The following KRTAP9-4 variants were observed in gnomAD, a reference collection of about 807,000 sequenced individuals.
The protein encoded by KRTAP9-4 is keratin associated protein 9-4, also known as keratin-associated protein 9-4.
In KRTAP9-4, 8 loss-of-function variants were observed where a neutral mutation model predicts 12.7. The observed-to-expected ratio is 0.63, with a 90% CI of 0.37 to 1.14. KRTAP9-4 has a LOEUF of 1.14. Among genes scored for constraint, KRTAP9-4 ranks in the 50% most tolerant of loss-of-function variants. The pLI is 0.01. For synonymous variants in KRTAP9-4, 81 were observed against 67.3 expected (o/e 1.20, Z -1.00); for missense variants, 188 against 189.1 (o/e 0.99, Z 0.03).
chr17:41,250,173 T>C lies in KRTAP9-4; in HGVS notation c.453T>C (p.Pro151=), dbSNP rs1353940194. The part of the protein sequence containing the change: ...QPTCVSSCCQ[P]FCC ...CCTGTGTGTCCAGCTGCTGTCAGCC[T>C]TTTTGCTGCTGATCAAGTCCCAAGA... The change falls in exon 1 of 1, where the codon CCT becomes CCC. Residue 151 remains proline, a synonymous_variant. Transcript: ENST00000334109. 2 of 1,613,946 alleles carry C rather than the reference T, an allele frequency of 1.2e-6. No homozygotes were observed. The highest frequency in any genetic ancestry group is 1.7e-5 in the Admixed American group (1 of 60,028).
Position 41,249,877 on chromosome 17 carries a change from C to G in KRTAP9-4, c.157C>G (p.Arg53Gly). ...CVSSCCQPCC[R>G]PTCCQNTCCQ... ...TTCCAGCTGCTGCCAGCCTTGCTGCCGCCCAACTTGCTGTCAAAACACCTG... is the reference window on the plus strand; with the variant it reads ...TTCCAGCTGCTGCCAGCCTTGCTGCGGCCCAACTTGCTGTCAAAACACCTG... Residue 53 changes from arginine (R) to glycine (G), a missense_variant, in exon 1 of 1, where the codon CGC (arginine) becomes GGC (glycine). Arg to Gly is a moderately radical substitution (Grantham distance 125, BLOSUM62 -2). Transcript: ENST00000334109. 1 of 1,541,946 alleles carries G rather than the reference C, an allele frequency of 6.5e-7. No individual in the cohort carries two copies.
Position 41,249,877 on chromosome 17 carries a change from C to A in KRTAP9-4, c.157C>A (p.Arg53Ser). 1.3e-6 allele frequency: 2 copies of A among 1,541,946 alleles called. No homozygotes were observed. The highest frequency in any genetic ancestry group is 1.8e-6 in the Non-Finnish European group (2 of 1,123,002). The change falls in exon 1 of 1, where the codon CGC (arginine) becomes AGC (serine). Residue 53 changes from arginine to serine, a missense_variant. Coordinates refer to ENST00000334109, the MANE Select transcript of KRTAP9-4 (RefSeq NM_033191.3). Reference protein sequence around the residue: ...CVSSCCQPCCRPTCCQNTCCQ... With the variant: ...CVSSCCQPCCSPTCCQNTCCQ... ...TTCCAGCTGCTGCCAGCCTTGCTGC[C>A]GCCCAACTTGCTGTCAAAACACCTG...
chr17:41,249,772 T>G lies in KRTAP9-4; in HGVS notation c.52T>G (p.Cys18Gly). ...CCQPTCCRTT[C>G]CRTTCWKPTT... ...TCAGCCTACATGCTGCAGGACCACC[T>G]GCTGCAGGACCACCTGCTGGAAGCC... Residue 18 changes from cysteine to glycine, a missense_variant, in exon 1 of 1, where the codon TGC becomes GGC. Cys to Gly is a radical substitution (Grantham distance 159). Transcript: ENST00000334109. 2 of 1,612,448 alleles carry G rather than the reference T, an allele frequency of 1.2e-6. No individual in the cohort carries two copies. The highest frequency in any genetic ancestry group is 1.7e-6 in the Non-Finnish European group (2 of 1,179,858).
rs1199959008 is a variant in KRTAP9-4, at chr17:41,250,160, G to A, written c.440G>A (p.Ser147Asn). The change falls in exon 1 of 1, where the codon AGC becomes AAC. Residue 147 changes from serine (S) to asparagine (N), a missense_variant. Coordinates refer to ENST00000334109, the MANE Select transcript of KRTAP9-4 (RefSeq NM_033191.3). ...TTCFQPTCVS[S>N]CCQPFCC ...TGCTTCCAGCCCACCTGTGTGTCCA[G>A]CTGCTGTCAGCCTTTTTGCTGCTGA... The A allele has an allele frequency of 6.2e-7, 1 of 1,614,230 alleles. No homozygotes were observed. The highest frequency in any genetic ancestry group is 1.1e-5 in the South Asian group (1 of 91,076).
At position 41,250,111 on chromosome 17, in the gene KRTAP9-4, C is replaced by T. The variant is rs144085900; in HGVS notation, c.391C>T (p.Arg131Cys). 3.0e-5 allele frequency: 49 copies of T among 1,614,078 alleles called. No individual in the cohort carries two copies. The highest frequency in any genetic ancestry group is 3.6e-5 in the Non-Finnish European group (42 of 1,180,032). The change falls in exon 1 of 1, where the codon CGC (arginine) becomes TGC (cysteine). Residue 131 changes from arginine to cysteine, a missense_variant. Arg to Cys is a radical substitution (Grantham distance 180). Transcript: ENST00000334109. The part of the protein sequence containing the change: ...CGSNCCQPCC[R>C]PACCETTCFQ... Reference sequence around the variant, plus strand: ...CTCCAACTGCTGCCAGCCCTGCTGCCGCCCAGCCTGCTGTGAGACCACTTG... The same window carrying T: ...CTCCAACTGCTGCCAGCCCTGCTGCTGCCCAGCCTGCTGTGAGACCACTTG...
rs2016206863 is a variant in KRTAP9-4 at position 41,250,248 on chromosome 17, G to A, written c.*63G>A. 4 of 1,598,542 alleles carry A rather than the reference G, an allele frequency of 2.5e-6. No homozygotes were observed. In the South Asian group the frequency reaches 4.5e-5, roughly 18 times the overall value. ...TTTCTGCTCAACTGACTTATCTTTT[G>A]GGGGACTAATTTAATTTGCTGCTGA... On this transcript the variant is annotated 3_prime_UTR_variant, in exon 1 of 1. Coordinates refer to ENST00000334109, the MANE Select transcript of KRTAP9-4 (RefSeq NM_033191.3).
At position 41,250,265 on chromosome 17, in the gene KRTAP9-4, T is replaced by C; in HGVS notation, c.*80T>C. ...TATCTTTTGGGGGACTAATTTAATTTGCTGCTGACAGCCACCATGCTCTCA... is the reference window on the plus strand; with the variant it reads ...TATCTTTTGGGGGACTAATTTAATTCGCTGCTGACAGCCACCATGCTCTCA... On this transcript the variant is annotated 3_prime_UTR_variant, in exon 1 of 1. Transcript: ENST00000334109. 5 of 1,568,992 alleles carry C rather than the reference T, an allele frequency of 3.2e-6. No individual in the cohort carries two copies. Among genetic ancestry groups the C allele is most frequent in the Non-Finnish European group, 4.4e-6 (5 of 1,148,232 alleles).
rs776679485 is a variant in KRTAP9-4 at position 41,249,939 on chromosome 17, T to C, written c.219T>C (p.Pro73=). The C allele has an allele frequency of 3.7e-6, 6 of 1,613,104 alleles. No individual in the cohort carries two copies. In the Admixed American group the frequency reaches 6.7e-5, roughly 18 times the overall value. The part of the protein sequence containing the change: ...QPTCVTSCCQ[P]SCCSTPCCQP... The stretch of plus-strand genomic sequence containing the variant: ...CCTGTGTGACCAGCTGCTGCCAGCC[T>C]TCCTGCTGCAGCACACCCTGCTGCC... The change falls in exon 1 of 1, where the codon CCT becomes CCC. Residue 73 remains proline (P), a synonymous_variant. Coordinates refer to ENST00000334109, the MANE Select transcript of KRTAP9-4 (RefSeq NM_033191.3).
In KRTAP9-4 at chr17:41,250,371, T is replaced by C; in HGVS notation, c.*186T>C. 2.5e-6 allele frequency: 2 copies of C among 787,094 alleles called. No homozygotes were observed. The highest frequency in any genetic ancestry group is 1.8e-5 in the South Asian group (1 of 54,588). 48.8% of individuals were successfully genotyped at this position (787,094 alleles called of 1,614,324 possible). ...AGGGCAGAATACTTCATCCTGATTC[T>C]CTTTTTCCTTACACTTTGTGGATCA... On this transcript the variant is annotated 3_prime_UTR_variant, in exon 1 of 1. Coordinates refer to ENST00000334109, the MANE Select transcript of KRTAP9-4 (RefSeq NM_033191.3).
Position 41,250,191 on chromosome 17 carries a change from T to A in KRTAP9-4, c.*6T>A. ...GTCAGCCTTTTTGCTGCTGATCAAG[T>A]CCCAAGAGAACCACCATCCTCACAC... On this transcript the variant is annotated 3_prime_UTR_variant, in exon 1 of 1. Coordinates refer to ENST00000334109, the MANE Select transcript of KRTAP9-4 (RefSeq NM_033191.3). 5 of 1,614,150 alleles carry A rather than the reference T, an allele frequency of 3.1e-6. No homozygotes were observed. The highest frequency in any genetic ancestry group is 4.2e-6 in the Non-Finnish European group (5 of 1,179,936).
In KRTAP9-4 at chr17:41,250,488, G is replaced by C; in HGVS notation, c.*303G>C. The C allele has an allele frequency of 1.7e-6, 1 of 604,788 alleles. No individual in the cohort carries two copies. The highest frequency in any genetic ancestry group is 2.9e-6 in the Non-Finnish European group (1 of 341,310). The allele number at this position is 604,788 out of a possible 1,614,324, so 37.5% of individuals were successfully genotyped here. ...TCATTCTCTGCTTCTAAGGAATTTA[G>C]GTTTCTGCAACTGATCAATAATCTT... On this transcript the variant is annotated 3_prime_UTR_variant, in exon 1 of 1. Coordinates refer to ENST00000334109, the MANE Select transcript of KRTAP9-4 (RefSeq NM_033191.3).
chr17:41,250,203 C>A lies in KRTAP9-4; in HGVS notation c.*18C>A. On this transcript the variant is annotated 3_prime_UTR_variant, in exon 1 of 1. Coordinates refer to ENST00000334109, the MANE Select transcript of KRTAP9-4 (RefSeq NM_033191.3). ...GCTGCTGATCAAGTCCCAAGAGAAC[C>A]ACCATCCTCACACAACAACTTTCTG... 6.2e-7 allele frequency: 1 copy of A among 1,613,872 alleles called. No homozygotes were observed. Among genetic ancestry groups the A allele is most frequent in the Non-Finnish European group, 8.5e-7 (1 of 1,179,702 alleles).
Position 41,250,019 on chromosome 17 carries a change from A to C in KRTAP9-4, c.299A>C (p.Tyr100Ser), listed in dbSNP as rs1248941372. 6.2e-7 allele frequency: 1 copy of C among 1,613,734 alleles called. No individual in the cohort carries two copies. Among genetic ancestry groups the C allele is most frequent in the Non-Finnish European group, 8.5e-7 (1 of 1,180,012 alleles). The change falls in exon 1 of 1, where the codon TAC becomes TCC. Residue 100 changes from tyrosine (Y) to serine (S), a missense_variant. Coordinates refer to ENST00000334109, the MANE Select transcript of KRTAP9-4 (RefSeq NM_033191.3). The part of the protein sequence containing the change: ...CDQSSSCAPV[Y>S]CRRTCYYPTT... ...CAGAGCAGCTCCTGTGCACCTGTGT[A>C]CTGCAGAAGAACCTGCTACTACCCC...
chr17:41,250,435 C>T lies in KRTAP9-4; in HGVS notation c.*250C>T. On this transcript the variant is annotated 3_prime_UTR_variant, in exon 1 of 1. Transcript: ENST00000334109. ...TGTGTTCTCAATTTTGAGTCATGGT[C>T]TCAGCTTTGACTCAAAAGTCAAGAG... The T allele has an allele frequency of 1.5e-6, 1 of 673,170 alleles. No homozygotes were observed. Among genetic ancestry groups the T allele is most frequent in the Non-Finnish European group, 2.6e-6 (1 of 392,084 alleles). 41.7% of individuals were successfully genotyped at this position (673,170 alleles called of 1,614,324 possible).
rs1598049736 is a variant in KRTAP9-4 at position 41,250,538 on chromosome 17, A to G, written c.*353A>G. 1.9e-6 allele frequency: 1 copy of G among 517,222 alleles called. No individual in the cohort carries two copies. The allele number at this position is 517,222 out of a possible 1,614,324, so 32.0% of individuals were successfully genotyped here. A position where few individuals can be genotyped will look rare whatever the true frequency, so the allele number is the denominator to read the frequency against. On this transcript the variant is annotated 3_prime_UTR_variant, in exon 1 of 1. Coordinates refer to ENST00000334109, the MANE Select transcript of KRTAP9-4 (RefSeq NM_033191.3). ...TTGCAATCATATTTTTGTTTTCAAT[A>G]TCCTCCTCATGGTTCTTGTATCCTT...
rs971283738 is a variant in KRTAP9-4 at position 41,250,488 on chromosome 17, G to A, written c.*303G>A. On this transcript the variant is annotated 3_prime_UTR_variant, in exon 1 of 1. Coordinates refer to ENST00000334109, the MANE Select transcript of KRTAP9-4 (RefSeq NM_033191.3). ...TCATTCTCTGCTTCTAAGGAATTTA[G>A]GTTTCTGCAACTGATCAATAATCTT... 1.7e-6 allele frequency: 1 copy of A among 604,788 alleles called. No homozygotes were observed. Among genetic ancestry groups the A allele is most frequent in the South Asian group, 2.3e-5 (1 of 43,974 alleles). The allele number at this position is 604,788 out of a possible 1,614,324, so 37.5% of individuals were successfully genotyped here.
rs1458327902 is a variant in KRTAP9-4, at chr17:41,250,158, C to T, written c.438C>T (p.Ser146=). ...CTTGCTTCCAGCCCACCTGTGTGTC[C>T]AGCTGCTGTCAGCCTTTTTGCTGCT... is the stretch of plus-strand genomic sequence containing the variant. ...ETTCFQPTCV[S]SCCQPFCC is the part of the protein sequence containing the mutation. The change falls in exon 1 of 1, where the codon TCC becomes TCT. Residue 146 remains serine, a synonymous_variant. Transcript: ENST00000334109. 6.2e-7 allele frequency: 1 copy of T among 1,614,140 alleles called. No homozygotes were observed. Among genetic ancestry groups the T allele is most frequent in the African/African-American group, 1.3e-5 (1 of 74,942 alleles).
rs777633679 is a variant in KRTAP9-4, at chr17:41,250,104, C to G, written c.384C>G (p.Pro128=). The change falls in exon 1 of 1, where the codon CCC becomes CCG. Residue 128 remains proline (P), a synonymous_variant. Transcript: ENST00000334109. The part of the protein sequence containing the change: ...NQSCGSNCCQ[P]CCRPACCETT... ...GCTGTGGCTCCAACTGCTGCCAGCC[C>G]TGCTGCCGCCCAGCCTGCTGTGAGA... The G allele has an allele frequency of 3.5e-5, 56 of 1,613,480 alleles. No individual in the cohort carries two copies. The highest frequency in any genetic ancestry group is 2.0e-4 in the African/African-American group (15 of 74,714).
In KRTAP9-4 at chr17:41,249,813, C is replaced by A; in HGVS notation, c.93C>A (p.Thr31=). ...GCTGGAAGCCCACCACTGTGACCAC[C>A]TGCAGCAGCACACCCTGCTGCCAGC... ...TTCWKPTTVT[T]CSSTPCCQPS... is the part of the protein sequence containing the mutation. The change falls in exon 1 of 1, where the codon ACC becomes ACA. Residue 31 remains threonine (T), a synonymous_variant. Transcript: ENST00000334109. 1.2e-6 allele frequency: 2 copies of A among 1,612,920 alleles called. No homozygotes were observed. Among genetic ancestry groups the A allele is most frequent in the Middle Eastern group, 1.9e-4 (1 of 5,174 alleles).
Sources: gnomAD v4.1 joint callset for allele counts on GRCh38, gnomAD v4.1.1 for gene constraint, MANE v1.5 for transcripts, NCBI Gene and HGNC (gene_info 2026-07-23, HGNC 2026-07-21) for gene names.